ADAMTS3: variants seen among roughly 807,000 people sequenced by gnomAD.
The protein encoded by ADAMTS3 is ADAM metallopeptidase with thrombospondin type 1 motif 3, also known as A disintegrin and metalloproteinase with thrombospondin motifs 3.
In ADAMTS3, 73 loss-of-function variants were observed where a neutral mutation model predicts 129.0. The ratio of observed to expected loss-of-function variants is 0.57; its 90% CI spans 0.47 to 0.69. The LOEUF (loss-of-function observed/expected upper bound fraction) is 0.69. Among genes scored for constraint, ADAMTS3 ranks in the 30% least tolerant of loss-of-function variants. The probability of loss-of-function intolerance (pLI) is 0.00; values close to 1 mark genes in which losing one functional copy is unlikely to be tolerated. For synonymous variants in ADAMTS3, 477 were observed against 510.8 expected (o/e 0.93, Z 0.89); for missense variants, 1,457 against 1,514.5 (o/e 0.96, Z 0.63).
chr4:72,394,052 G>T (rs1289014384), intron 4 of ADAMTS3, among the ~76,000 whole-genome samples: 1 of 152,118 alleles, frequency 6.6e-6, no homozygotes, highest in Non-Finnish European at 1.5e-5. Flanking sequence ...TTAAAGAGTG[G>T]ATTACTTCAA....
At chr4:72,508,213 A>C (rs1157712606) in intron 3 of ADAMTS3, among the ~76,000 whole-genome samples, 1 of 152,142 alleles carries the variant, frequency 6.6e-6, no homozygotes, top group Non-Finnish European at 1.5e-5. Context: ...TCCTCTCTAT[A>C]AATTACAGCT....
Position 72,568,894 on chromosome 4 carries a change from T to A in ADAMTS3, c.-132A>T. The A allele has an allele frequency of 2.9e-6, 2 of 680,042 alleles. No homozygotes were observed. The highest frequency in any genetic ancestry group is 5.0e-6 in the Non-Finnish European group (2 of 397,916). 42.1% of individuals were successfully genotyped at this position (680,042 alleles called of 1,614,324 possible). A position where few individuals can be genotyped will look rare whatever the true frequency, so the allele number is the denominator to read the frequency against. On this transcript the variant is annotated 5_prime_UTR_variant, in exon 1 of 22. It adds an upstream start codon to the 5' untranslated region. Coordinates refer to ENST00000286657, the MANE Select transcript of ADAMTS3 (RefSeq NM_014243.3). ...AAATGCGAAATAGAAAAAAATGATC[T>A]TCTGTGCTTTGCTTCAATGAAAATG... is the stretch of plus-strand genomic sequence containing the variant.
Position 72,309,425 on chromosome 4 carries a change from C to T in ADAMTS3, c.2151G>A (p.Gly717=), listed in dbSNP as rs1456484835. The part of the protein sequence containing the change: ...GDNSHCRTVK[G]TFTRTPRKLG... ...GCTTCCTGGGAGTTCTGGTAAATGT[C>T]CCCTTCACGGTTCGGCAGTGGGAAT... The change falls in exon 15 of 22, where the codon GGG becomes GGA. Residue 717 remains glycine, a synonymous_variant. Coordinates refer to ENST00000286657, the MANE Select transcript of ADAMTS3 (RefSeq NM_014243.3). 6.2e-7 allele frequency: 1 copy of T among 1,612,048 alleles called. No individual in the cohort carries two copies. Among genetic ancestry groups the T allele is most frequent in the Non-Finnish European group, 8.5e-7 (1 of 1,178,568 alleles).
intron 5 of ADAMTS3, among the ~76,000 whole-genome samples, chr4:72,334,282 C>A (rs1381621687): frequency 6.6e-6 from 1 of 152,114 alleles, no homozygotes; most frequent in Non-Finnish European, 1.5e-5. Context: ...AGTCTATAAT[C>A]TCGCTGAGGT....
intron 2 of ADAMTS3, among the ~76,000 whole-genome samples, chr4:72,555,058 G>T (rs1021939531): frequency 2.6e-5 from 4 of 151,652 alleles, no homozygotes; most frequent in Admixed American, 6.6e-5. Flanking sequence ...CACCTAACTA[G>T]CCTCAGTAGC....
chr4:72,545,152 A>T (rs1286657138), intron 3 of ADAMTS3, among the ~76,000 whole-genome samples: 4 of 152,164 alleles, frequency 2.6e-5, no homozygotes, highest in African/African-American at 9.7e-5. Context: ...TGTATAAAAT[A>T]ATTAGTCACA....
chr4:72,513,530 A>C (rs1250820769), intron 3 of ADAMTS3, among the ~76,000 whole-genome samples: 1 of 151,886 alleles, frequency 6.6e-6, no homozygotes, highest in Non-Finnish European at 1.5e-5. Flanking sequence ...TGATCAGAAG[A>C]CTCTTGTTTA....
intron 3 of ADAMTS3, among the ~76,000 whole-genome samples, chr4:72,514,648 G>A (rs1426420334): frequency 6.6e-6 from 1 of 152,042 alleles, no homozygotes; most frequent in Non-Finnish European, 1.5e-5. Context: ...CGACTGGATG[G>A]TAAACTTTTT....
chr4:72,540,482 A>T (rs908269854), intron 3 of ADAMTS3, among the ~76,000 whole-genome samples: 4 of 152,240 alleles, frequency 2.6e-5, no homozygotes, highest in Admixed American at 1.3e-4. Flanking sequence ...AAGAAATTCA[A>T]GCTCGCTGCA....
At position 72,500,336 on chromosome 4, in the gene ADAMTS3, T is replaced by C. The variant is rs191173934; in HGVS notation, c.504+48142A>G. On this transcript the variant is annotated intron_variant, in intron 3 of 21. Transcript: ENST00000286657. ...ATTCTGACTGGTGTGAGATGGTATTTCCTTGTGGTTTTGATTTGCATCTCT... is the reference window on the plus strand; with the variant it reads ...ATTCTGACTGGTGTGAGATGGTATTCCCTTGTGGTTTTGATTTGCATCTCT... Among the ~76,000 whole-genome samples the C allele has an allele frequency of 3.3e-5, 5 of 152,290 alleles. No homozygotes were observed. The East Asian group carries it at 9.7e-4, about 29-fold the overall frequency.
intron 3 of ADAMTS3, among the ~76,000 whole-genome samples, chr4:72,453,748 A>T: frequency 6.6e-6 from 1 of 151,644 alleles, no homozygotes; most frequent in East Asian, 2.0e-4. Context: ...AGTAGCTTAT[A>T]ACAAGGATAA....
At chr4:72,403,136 T>G (rs193176435) in intron 4 of ADAMTS3, among the ~76,000 whole-genome samples, 130 of 152,206 alleles carry the variant, frequency 8.5e-4, no homozygotes, top group Middle Eastern at 6.8e-3. Context: ...TCTTAATTTT[T>G]CCTTTGTTTT....
intron 3 of ADAMTS3, among the ~76,000 whole-genome samples, chr4:72,506,766 C>T (rs1720169292): frequency 6.6e-6 from 1 of 152,196 alleles, no homozygotes. Flanking sequence ...GCTTCTCTCA[C>T]ATACTGGGGC....
intron 3 of ADAMTS3, among the ~76,000 whole-genome samples, chr4:72,501,682 T>C (rs2110024563): frequency 6.6e-6 from 1 of 152,234 alleles, no homozygotes; most frequent in African/African-American, 2.4e-5. Flanking sequence ...TAGCTTCCTG[T>C]TCCTGTTCTC....
intron 4 of ADAMTS3, among the ~76,000 whole-genome samples, chr4:72,383,925 T>C (rs1303094122): frequency 6.6e-6 from 1 of 151,846 alleles, no homozygotes; most frequent in Non-Finnish European, 1.5e-5. Flanking sequence ...TAAAGAAAAA[T>C]ATACTTATAA....
At chr4:72,498,014 C>T (rs1453103745) in intron 3 of ADAMTS3, among the ~76,000 whole-genome samples, 1 of 151,928 alleles carries the variant, frequency 6.6e-6, no homozygotes, top group Non-Finnish European at 1.5e-5. Context: ...TGGCCCTTAG[C>T]TCTCTAAATT....
chr4:72,530,775 T>G (rs1156376401), intron 3 of ADAMTS3, among the ~76,000 whole-genome samples: 2 of 100,472 alleles, frequency 2.0e-5, no homozygotes, highest in Admixed American at 1.6e-4. Flanking sequence ...AGATTATATA[T>G]ATTATATTAT....
At chr4:72,401,871 C>T (rs905792175) in intron 4 of ADAMTS3, among the ~76,000 whole-genome samples, 7 of 152,046 alleles carry the variant, frequency 4.6e-5, no homozygotes, top group African/African-American at 1.7e-4. Context: ...ATCGTAAGCA[C>T]TGATAGGTTA....
chr4:72,437,863 T>TA (rs1414870464), intron 3 of ADAMTS3, among the ~76,000 whole-genome samples: 3 of 151,772 alleles, frequency 2.0e-5, no homozygotes, highest in Non-Finnish European at 4.4e-5. Context: ...GGTAATATGC[T>TA]AATAATAGTA....
Sources: allele counts gnomAD v4.1 joint callset (sites outside exome capture counted in the v4.1 genomes callset), GRCh38; gene constraint gnomAD v4.1.1; transcripts MANE v1.5; gene names NCBI Gene and HGNC (gene_info 2026-07-23, HGNC 2026-07-21).